The following SLA2 variants were observed in gnomAD, a reference collection of about 807,000 sequenced individuals.
SLA2 encodes the protein Src like adaptor 2.
A neutral mutation model predicts 27.3 loss-of-function variants in SLA2; 22 were observed. The ratio of observed to expected loss-of-function variants is 0.81; its 90% CI spans 0.58 to 1.15. SLA2 has a LOEUF of 1.15. Among genes scored for constraint, SLA2 ranks in the 50% most tolerant of loss-of-function variants. The pLI, the probability that SLA2 is intolerant of heterozygous loss-of-function variation, is 0.00. For missense variants in SLA2, 304 were observed against 322.2 expected (o/e 0.94, Z 0.43); for synonymous variants, 131 against 137.8 (o/e 0.95, Z 0.34).
In SLA2 at chr20:36,633,695, AG is replaced by A. The variant is rs1244456621; in HGVS notation, c.192-67del. On this transcript the variant is annotated intron_variant, in intron 3 of 7. Coordinates refer to ENST00000262866, the MANE Select transcript of SLA2 (RefSeq NM_032214.4). Reference sequence around the variant, plus strand: ...CCAAGGCCCCGACAACCACACATTCAGGGCTTGCAAGGACCCTCTCAGGCTG... The same window carrying A: ...CCAAGGCCCCGACAACCACACATTCAGGCTTGCAAGGACCCTCTCAGGCTG... The A allele has an allele frequency of 3.0e-6, 4 of 1,334,966 alleles. No individual in the cohort carries two copies. In the East Asian group the frequency reaches 9.3e-5, roughly 31 times the overall value. The allele number at this position is 1,334,966 out of a possible 1,614,324, so 82.7% of individuals were successfully genotyped here. A position where few individuals can be genotyped will look rare whatever the true frequency, so the allele number is the denominator to read the frequency against.
intron 2 of SLA2, among the ~76,000 whole-genome samples, chr20:36,636,102 C>A (rs2039441910): frequency 6.6e-6 from 1 of 152,082 alleles, no homozygotes; most frequent in Non-Finnish European, 1.5e-5. Flanking sequence ...TGTCACAAGG[C>A]CTGGCATGTG....
At position 36,645,379 on chromosome 20, in the gene SLA2, G is replaced by A. The variant is rs561586226; in HGVS notation, c.-44+458C>T. On this transcript the variant is annotated intron_variant, in intron 1 of 7. Transcript: ENST00000262866. ...GAGACCCCAACTCAAAAAAAAAAAT[G>A]AATTTGGATTGAGTTAAAGGGAGAC... Among the ~76,000 whole-genome samples the A allele has an allele frequency of 7.8e-4, 119 of 151,936 alleles. No individual in the cohort carries two copies. The Middle Eastern group carries it at 0.017, about 22-fold the overall frequency.
intron 6 of SLA2, chr20:36,614,643 G>C: frequency 3.0e-6 from 3 of 985,456 alleles, no homozygotes; most frequent in Non-Finnish European, 3.6e-6. Context: ...GTCACTGTAT[G>C]ATTTAGGGTG....
At chr20:36,642,611 G>GT (rs1163513770) in intron 1 of SLA2, among the ~76,000 whole-genome samples, 2 of 151,934 alleles carry the variant, frequency 1.3e-5, no homozygotes, top group Non-Finnish European at 2.9e-5. Context: ...AATACAGAGA[G>GT]TTTCACTCTT....
chr20:36,640,650 G>A (rs1478349654), intron 2 of SLA2, among the ~76,000 whole-genome samples: 1 of 151,962 alleles, frequency 6.6e-6, no homozygotes, highest in East Asian at 1.9e-4. Flanking sequence ...CTAAGTAGCT[G>A]GGATTACAGG....
Position 36,634,708 on chromosome 20 carries a change from A to G in SLA2, c.92-119T>C, listed in dbSNP as rs12626060. 4.0e-5 allele frequency: 22 copies of G among 554,448 alleles called. No individual in the cohort carries two copies. The East Asian group carries it at 6.3e-4, about 16-fold the overall frequency. 34.3% of individuals were successfully genotyped at this position (554,448 alleles called of 1,614,324 possible). ...CAGCCCTCCACAAGCACCCTGAGGG[A>G]GTCCCATCCACTTCCTAAGAGGGCC... is the stretch of plus-strand genomic sequence containing the variant. On this transcript the variant is annotated intron_variant, in intron 2 of 7. Coordinates refer to ENST00000262866, the MANE Select transcript of SLA2 (RefSeq NM_032214.4).
At chr20:36,645,616 TA>T (rs2148000949) in intron 1 of SLA2, among the ~76,000 whole-genome samples, 1 of 152,264 alleles carries the variant, frequency 6.6e-6, no homozygotes, top group Non-Finnish European at 1.5e-5. Flanking sequence ...CGGAAGAGCG[TA>T]AGCTCCAAGA....
At chr20:36,630,195 A>C (rs1168107365) in intron 5 of SLA2, among the ~76,000 whole-genome samples, 1 of 152,180 alleles carries the variant, frequency 6.6e-6, no homozygotes, top group East Asian at 1.9e-4. Context: ...TCCTGTTTGC[A>C]GCTGCTGTGC....
At chr20:36,629,076 T>C (rs1466898633) in intron 5 of SLA2, among the ~76,000 whole-genome samples, 1 of 151,878 alleles carries the variant, frequency 6.6e-6, no homozygotes, top group East Asian at 2.0e-4. Flanking sequence ...TTTTTTTTTT[T>C]TTTTTGAGAC....
chr20:36,615,359 G>A lies in SLA2; in HGVS notation c.398C>T (p.Ser133Leu), dbSNP rs1216184736. The change falls in exon 6 of 8, where the codon TCA becomes TTA. Residue 133 changes from serine to leucine, a missense_variant. Transcript: ENST00000262866. Reference protein sequence around the residue: ...SQTRRGSYSLSVRLSRPASWD... With the variant: ...SQTRRGSYSLLVRLSRPASWD... ...GGATGCAGGGCGGCTGAGGCGGACT[G>A]ACAGAGAGTAAGAGCCTGAGGAGAA... is the stretch of plus-strand genomic sequence containing the variant. The A allele has an allele frequency of 4.3e-6, 7 of 1,613,894 alleles. No homozygotes were observed. In the East Asian group the frequency reaches 1.6e-4, roughly 36 times the overall value.
intron 3 of SLA2, 53 bp from the exon 4 acceptor site, chr20:36,633,682 C>A: frequency 6.8e-7 from 1 of 1,474,180 alleles, no homozygotes; most frequent in Non-Finnish European, 9.5e-7. Flanking sequence ...AAGGCCCCGA[C>A]AACCACACAT....
At chr20:36,616,931 TC>T (rs1157975647) in intron 5 of SLA2, among the ~76,000 whole-genome samples, 2 of 152,020 alleles carry the variant, frequency 1.3e-5, no homozygotes, top group East Asian at 3.9e-4. Context: ...ACACCTGTAG[TC>T]CGAGCTACTT....
intron 6 of SLA2, chr20:36,615,022 C>G: frequency 1.0e-6 from 1 of 985,404 alleles, no homozygotes. Context: ...CACAGGAGGT[C>G]TGTGGCTTTT....
chr20:36,614,204 T>TC, intron 7 of SLA2, 101 bp downstream of exon 7: 1 of 1,582,048 alleles, frequency 6.3e-7, no homozygotes, highest in Non-Finnish European at 8.7e-7. Context: ...CTGCCAGGTG[T>TC]CCCTGAGTGT....
chr20:36,612,642 C>T lies in SLA2; in HGVS notation c.*1224G>A, dbSNP rs1449557625. 4.1e-6 allele frequency: 1 copy of T among 246,398 alleles called. No homozygotes were observed. The highest frequency in any genetic ancestry group is 9.9e-5 in the East Asian group (1 of 10,144). The allele number at this position is 246,398 out of a possible 1,614,324, so 15.3% of individuals were successfully genotyped here. A position where few individuals can be genotyped will look rare whatever the true frequency, so the allele number is the denominator to read the frequency against. Reference sequence around the variant, plus strand: ...GAGCACTGGAGGGGGTGCCTCCCACCCCATCCCTCTTTCTTCCTCTCCCTG... The same window carrying T: ...GAGCACTGGAGGGGGTGCCTCCCACTCCATCCCTCTTTCTTCCTCTCCCTG... On this transcript the variant is annotated 3_prime_UTR_variant, in exon 8 of 8. Transcript: ENST00000262866.
intron 5 of SLA2, among the ~76,000 whole-genome samples, chr20:36,617,472 T>C (rs1404647158): frequency 7.0e-6 from 1 of 142,080 alleles, no homozygotes; most frequent in Admixed American, 7.5e-5. Context: ...AGGTGAAGGT[T>C]GCGGTGAGCC....
At chr20:36,628,244 G>A (rs2039358975) in intron 5 of SLA2, among the ~76,000 whole-genome samples, 1 of 152,070 alleles carries the variant, frequency 6.6e-6, no homozygotes, top group South Asian at 2.1e-4. Context: ...ACGTCACTTG[G>A]GCCCCTAGAG....
intron 5 of SLA2, among the ~76,000 whole-genome samples, chr20:36,624,569 A>C (rs1005975637): frequency 1.3e-5 from 2 of 152,198 alleles, no homozygotes; most frequent in African/African-American, 4.8e-5. Context: ...AAGTCAGCAC[A>C]CAGTATCTAT....
At position 36,634,393 on chromosome 20, in the gene SLA2, C is replaced by T. The variant is rs913738320; in HGVS notation, c.191+97G>A. 69 of 907,322 alleles carry T rather than the reference C, an allele frequency of 7.6e-5. 2 individuals are homozygous for T. In the Admixed American group the frequency reaches 1.8e-3, roughly 24 times the overall value. 56.2% of individuals were successfully genotyped at this position (907,322 alleles called of 1,614,324 possible). A position where few individuals can be genotyped will look rare whatever the true frequency, so the allele number is the denominator to read the frequency against. The stretch of plus-strand genomic sequence containing the variant: ...TGAGCTCCCGAGCTCCAGCGATTCT[C>T]CCACCTAAGCCTCCCAGACAGCTAG... On this transcript the variant is annotated intron_variant, in intron 3 of 7. Transcript: ENST00000262866.
Sources: allele counts gnomAD v4.1 joint callset (sites outside exome capture counted in the v4.1 genomes callset), GRCh38; gene constraint gnomAD v4.1.1; transcripts MANE v1.5; gene names NCBI Gene and HGNC (gene_info 2026-07-23, HGNC 2026-07-21).